MAP4: variants seen among roughly 807,000 people sequenced by gnomAD.
The protein encoded by MAP4 is microtubule associated protein 4, also known as microtubule-associated protein 4.
Under a neutral mutation model 170.2 loss-of-function variants are expected in MAP4, and 76 were observed. That is an observed-to-expected ratio of 0.45 (90% CI 0.37 to 0.54). The LOEUF (loss-of-function observed/expected upper bound fraction) is 0.54. MAP4 is among the 20% of genes least tolerant of loss of function. The probability of loss-of-function intolerance (pLI) is 0.00; values close to 1 mark genes in which losing one functional copy is unlikely to be tolerated. For synonymous variants in MAP4, 909 were observed against 994.5 expected, an observed-to-expected ratio of 0.91 and a Z score of 1.62; for missense variants, 2,506 against 2,748.0, an observed-to-expected ratio of 0.91 and a Z score of 1.97.
At chr3:47,938,480 C>G (rs1190045791) in intron 3 of MAP4, among the ~76,000 whole-genome samples, 1 of 152,188 alleles carries the variant, frequency 6.6e-6, no homozygotes, top group Non-Finnish European at 1.5e-5. Flanking sequence ...CTCAAGCAAT[C>G]CTCCCCTCTC....
intron 1 of MAP4, among the ~76,000 whole-genome samples, chr3:48,000,163 C>T (rs1325608862): frequency 1.5e-5 from 2 of 136,038 alleles, no homozygotes; most frequent in East Asian, 2.3e-4. Context: ...TACAGTGAAC[C>T]GAGGTTGCGC....
At chr3:48,030,926 T>A (rs1441804521) in intron 1 of MAP4, among the ~76,000 whole-genome samples, 1 of 146,462 alleles carries the variant, frequency 6.8e-6, no homozygotes, top group East Asian at 2.1e-4. Flanking sequence ...TGAGAGAGAA[T>A]AAGCAAGTCT....
chr3:47,928,401 T>C, intron 3 of MAP4, 51 bp from the exon 4 acceptor site: 1 of 1,575,424 alleles, frequency 6.3e-7, no homozygotes, highest in Non-Finnish European at 8.7e-7. Context: ...AGTTTTCTCC[T>C]CCACTACAGT....
chr3:47,987,426 T>G (rs557540177), intron 2 of MAP4: 1 of 1,530,608 alleles, frequency 6.5e-7, no homozygotes, highest in African/African-American at 1.4e-5. Flanking sequence ...GTGGGGGTAG[T>G]GGGAGGTCTA....
intron 1 of MAP4, among the ~76,000 whole-genome samples, chr3:48,033,914 A>G (rs1453562365): frequency 1.5e-4 from 23 of 152,170 alleles, no homozygotes; most frequent in Admixed American, 1.5e-3. Context: ...AGAATTTTTA[A>G]TTAAAGATGC....
At chr3:47,915,601 A>T (rs1002601551) in intron 7 of MAP4, among the ~76,000 whole-genome samples, 1 of 152,176 alleles carries the variant, frequency 6.6e-6, no homozygotes, top group Non-Finnish European at 1.5e-5. Context: ...CTTAATTAGG[A>T]GCAGGAACAG....
At chr3:48,077,737 A>T (rs908739804) in intron 1 of MAP4, among the ~76,000 whole-genome samples, 1 of 152,248 alleles carries the variant, frequency 6.6e-6, no homozygotes, top group African/African-American at 2.4e-5. Context: ...ATAAAAGCAT[A>T]TCAATCTTCA....
intron 17 of MAP4, among the ~76,000 whole-genome samples, chr3:47,865,528 G>A (rs756211715): frequency 3.9e-5 from 6 of 152,288 alleles, no homozygotes; most frequent in East Asian, 3.9e-4. Flanking sequence ...AGTTGTGTGG[G>A]GCAAGAATGA....
At chr3:47,975,105 A>G in intron 3 of MAP4, 1 of 1,069,158 alleles carries the variant, frequency 9.4e-7, no homozygotes, top group Non-Finnish European at 1.1e-6. Context: ...AAAATATTTA[A>G]AGGAAAAAAA....
chr3:48,044,659 A>T (rs2100123462), intron 1 of MAP4, among the ~76,000 whole-genome samples: 1 of 152,098 alleles, frequency 6.6e-6, no homozygotes, highest in South Asian at 2.1e-4. Flanking sequence ...GCTACTTGGG[A>T]GGCTGAGGCA....
intron 11 of MAP4, 80 bp downstream of exon 11, chr3:47,877,337 C>T (rs771589667): frequency 5.2e-5 from 56 of 1,075,140 alleles, no homozygotes; most frequent in Non-Finnish European, 6.7e-5. Flanking sequence ...AAATTTCATT[C>T]GTGATTCAAG....
chr3:47,895,130 A>G (rs1186975859), intron 10 of MAP4, among the ~76,000 whole-genome samples: 4 of 152,172 alleles, frequency 2.6e-5, no homozygotes, highest in Non-Finnish European at 4.4e-5. Context: ...CAACAACCCC[A>G]TTCTGTGTAA....
chr3:47,855,224 T>C lies in MAP4; in HGVS notation c.6696+24A>G. 6.5e-7 allele frequency: 1 copy of C among 1,548,558 alleles called. No individual in the cohort carries two copies. The highest frequency in any genetic ancestry group is 8.9e-7 in the Non-Finnish European group (1 of 1,120,348). ...TAGTTCCCACCCCTCCCCAGCTGTG[T>C]CTCCCCAGTGACCCACTCGCTACCT... is the stretch of plus-strand genomic sequence containing the variant. On this transcript the variant is annotated intron_variant, in intron 19 of 20. Coordinates refer to ENST00000683076, the MANE Select transcript of MAP4 (RefSeq NM_001385682.1). The surrounding 1 kb of genome is among the most constrained non-coding windows in gnomAD (Gnocchi z 5.1).
Position 47,912,253 on chromosome 3 carries a change from TCAGA to T in MAP4, c.2164_2167del (p.Glu723GlnfsTer38). 1 of 1,536,076 alleles carries T rather than the reference TCAGA, an allele frequency of 6.5e-7. No individual in the cohort carries two copies. Among genetic ancestry groups the T allele is most frequent in the Middle Eastern group, 1.7e-4 (1 of 5,988 alleles). On this transcript the variant is annotated frameshift_variant, in exon 9 of 21. Transcript: ENST00000683076. LOFTEE classifies it high-confidence loss of function. ...GGATGAACCAGAGACCCAACCTGAC[TCAGA>T]CAAAGAGCAGTGGCCCAGCCTGTGA...
intron 1 of MAP4, among the ~76,000 whole-genome samples, chr3:48,083,401 T>C (rs570172455): frequency 2.6e-5 from 4 of 152,380 alleles, no homozygotes; most frequent in African/African-American, 9.6e-5. Context: ...ACAGTCTCGC[T>C]GTAGCCCAGG....
intron 3 of MAP4, among the ~76,000 whole-genome samples, chr3:47,933,136 A>G (rs1354544309): frequency 1.3e-5 from 2 of 152,144 alleles, no homozygotes; most frequent in Non-Finnish European, 2.9e-5. Flanking sequence ...TCAAGATACC[A>G]AAGAATATAT....
intron 1 of MAP4, among the ~76,000 whole-genome samples, chr3:48,032,937 C>A (rs2100116923): frequency 6.6e-6 from 1 of 152,094 alleles, no homozygotes; most frequent in Non-Finnish European, 1.5e-5. Context: ...CAACAGTGAC[C>A]AAGTCTAATA....
At chr3:48,067,621 A>G (rs1279599120) in intron 1 of MAP4, among the ~76,000 whole-genome samples, 1 of 145,832 alleles carries the variant, frequency 6.9e-6, no homozygotes, top group African/African-American at 2.6e-5. Flanking sequence ...CTCAAAGTTA[A>G]CAAGAGAAAC....
chr3:47,860,434 C>T (rs936026884), intron 17 of MAP4, among the ~76,000 whole-genome samples: 1 of 152,232 alleles, frequency 6.6e-6, no homozygotes, highest in Non-Finnish European at 1.5e-5. Flanking sequence ...GCTGAAGCAA[C>T]CCACTTGCCT....
Sources: gnomAD v4.1 joint callset for allele counts (sites outside exome capture counted in the v4.1 genomes callset) on GRCh38, gnomAD v4.1.1 for gene constraint, Gnocchi (gnomAD v3.1) non-coding constraint, MANE v1.5 for transcripts, NCBI Gene and HGNC (gene_info 2026-07-23, HGNC 2026-07-21) for gene names.